SUSD6: variants seen among roughly 807,000 people sequenced by gnomAD.
SUSD6 encodes the protein sushi domain-containing protein 6.
Under a neutral mutation model 28.4 loss-of-function variants are expected in SUSD6, and 16 were observed. The observed-to-expected ratio is 0.56, with a 90% confidence interval of 0.38 to 0.86. The LOEUF (loss-of-function observed/expected upper bound fraction) is 0.86, where lower values mean the gene tolerates loss of function less well. Among genes scored for constraint, SUSD6 ranks in the 40% least tolerant of loss-of-function variants. The pLI is 0.00. For synonymous variants in SUSD6, 147 were observed against 159.6 expected (o/e 0.92, Z 0.59); for missense variants, 341 against 384.2 (o/e 0.89, Z 0.94).
chr14:69,622,137 A>T (rs1885049534), intron 1 of SUSD6, among the ~76,000 whole-genome samples: 1 of 151,872 alleles, frequency 6.6e-6, no homozygotes, highest in Non-Finnish European at 1.5e-5. Context: ...ATACATTTTG[A>T]GTTGTTCTCC....
chr14:69,657,300 C>T (rs1046867463), intron 1 of SUSD6, among the ~76,000 whole-genome samples: 4 of 152,166 alleles, frequency 2.6e-5, no homozygotes, highest in East Asian at 1.9e-4. Context: ...ACTAAAAATA[C>T]AAAAATTAGC....
In SUSD6 at chr14:69,671,293, A is replaced by G. The variant is rs920728186; in HGVS notation, c.121+12580A>G. On this transcript the variant is annotated intron_variant, in intron 2 of 5. Coordinates refer to ENST00000342745, the MANE Select transcript of SUSD6 (RefSeq NM_014734.4). Reference sequence around the variant, plus strand: ...TGGAAGGAGGATGTTAATTTTAGGTACAATTTGTGGGAGAGGATTGGGGAT... The same window carrying G: ...TGGAAGGAGGATGTTAATTTTAGGTGCAATTTGTGGGAGAGGATTGGGGAT... Among the ~76,000 whole-genome samples, 5 of 152,324 alleles carry G rather than the reference A, an allele frequency of 3.3e-5. 1 individual carries two copies. The South Asian group carries it at 6.2e-4, about 19-fold the overall frequency.
Position 69,628,539 on chromosome 14 carries a change from G to A in SUSD6, c.-81+16711G>A, listed in dbSNP as rs575541336. 7.7e-4 allele frequency among the ~76,000 whole-genome samples: 117 copies of A among 152,286 alleles called. 1 individual carries two copies. The highest frequency in any genetic ancestry group is 1.5e-3 in the Non-Finnish European group (100 of 68,024). On this transcript the variant is annotated intron_variant, in intron 1 of 5. Coordinates refer to ENST00000342745, the MANE Select transcript of SUSD6 (RefSeq NM_014734.4). ...AAAGAAGAAAAATCCCCTGGGGAGT[G>A]GGAAAAGGCAGAAAGTATTGAATGT...
chr14:69,666,771 T>C (rs1406805431), intron 2 of SUSD6, among the ~76,000 whole-genome samples: 1 of 152,214 alleles, frequency 6.6e-6, no homozygotes, highest in Non-Finnish European at 1.5e-5. Context: ...TGGGAAGTAG[T>C]GCAGGGAAGG....
chr14:69,624,934 T>C (rs1310089013), intron 1 of SUSD6, among the ~76,000 whole-genome samples: 2 of 152,232 alleles, frequency 1.3e-5, no homozygotes, highest in African/African-American at 4.8e-5. Context: ...TTTTTTGCTA[T>C]TGGCATGTAT....
chr14:69,622,516 A>C (rs1444252500), intron 1 of SUSD6, among the ~76,000 whole-genome samples: 1 of 152,004 alleles, frequency 6.6e-6, no homozygotes, highest in African/African-American at 2.4e-5. Flanking sequence ...CGCCTTGAGG[A>C]TGGTTTACGT....
At chr14:69,677,809 C>G (rs1885935909) in intron 2 of SUSD6, among the ~76,000 whole-genome samples, 1 of 152,136 alleles carries the variant, frequency 6.6e-6, no homozygotes, top group South Asian at 2.1e-4. Flanking sequence ...TTACCAAATA[C>G]CCTGTTAAGA....
intron 1 of SUSD6, among the ~76,000 whole-genome samples, chr14:69,637,638 C>T (rs918859084): frequency 6.6e-6 from 1 of 152,148 alleles, no homozygotes; most frequent in African/African-American, 2.4e-5. Flanking sequence ...TTGCCATCCC[C>T]ACCCCCAGGA....
At chr14:69,681,581 TTTGA>T (rs1885998044) in intron 2 of SUSD6, among the ~76,000 whole-genome samples, 3 of 152,238 alleles carry the variant, frequency 2.0e-5, no homozygotes. Flanking sequence ...AGTGGGAGAC[TTTGA>T]TTGCAGGAAT....
chr14:69,647,861 T>C (rs556584831), intron 1 of SUSD6, among the ~76,000 whole-genome samples: 6 of 152,208 alleles, frequency 3.9e-5, no homozygotes, highest in Admixed American at 3.9e-4. Context: ...GGCGCACACC[T>C]GTACTTCTAG....
intron 1 of SUSD6, among the ~76,000 whole-genome samples, chr14:69,639,144 C>G (rs923312616): frequency 6.6e-6 from 1 of 151,822 alleles, no homozygotes; most frequent in Admixed American, 6.6e-5. Flanking sequence ...CTGGCTAACA[C>G]GGTGAAACCC....
At chr14:69,676,262 A>G (rs923820035) in intron 2 of SUSD6, among the ~76,000 whole-genome samples, 1 of 152,136 alleles carries the variant, frequency 6.6e-6, no homozygotes, top group Non-Finnish European at 1.5e-5. Context: ...TTTGGTTCCT[A>G]TATGACTACC....
At chr14:69,649,237 A>G (rs183528928) in intron 1 of SUSD6, among the ~76,000 whole-genome samples, 5 of 152,348 alleles carry the variant, frequency 3.3e-5, no homozygotes, top group Admixed American at 2.0e-4. Context: ...CAAGCCTTGC[A>G]TAGAAGACAG....
At chr14:69,682,269 T>C (rs1886007593) in intron 2 of SUSD6, among the ~76,000 whole-genome samples, 1 of 152,122 alleles carries the variant, frequency 6.6e-6, no homozygotes, top group Admixed American at 6.5e-5. Context: ...CCCAGGAGTT[T>C]GAGGCATTGG....
intron 2 of SUSD6, among the ~76,000 whole-genome samples, chr14:69,659,505 T>TTTTGTTTG (rs143739135): frequency 1.3e-4 from 20 of 152,024 alleles, no homozygotes; most frequent in South Asian, 4.2e-4. Flanking sequence ...CATTGAGCCT[T>TTTTGTTTG]TTTGTTTGTT....
At chr14:69,653,144 C>T (rs1034612262) in intron 1 of SUSD6, among the ~76,000 whole-genome samples, 2 of 152,122 alleles carry the variant, frequency 1.3e-5, no homozygotes, top group African/African-American at 4.8e-5. Context: ...AACTTACGGA[C>T]AGGAAGTGAG....
intron 1 of SUSD6, among the ~76,000 whole-genome samples, chr14:69,628,494 A>G (rs1030237670): frequency 6.6e-6 from 1 of 152,208 alleles, no homozygotes; most frequent in Non-Finnish European, 1.5e-5. Context: ...GAGTGTCTAT[A>G]TCAGAGTATC....
chr14:69,642,416 C>T (rs1885365167), intron 1 of SUSD6, among the ~76,000 whole-genome samples: 1 of 152,144 alleles, frequency 6.6e-6, no homozygotes, highest in Admixed American at 6.5e-5. Context: ...TGAAGACATA[C>T]TCAAGACTGG....
rs889527905 is a variant in SUSD6, at chr14:69,654,865, G to C, written c.-80-3648G>C. Among the ~76,000 whole-genome samples, 60 of 141,538 alleles carry C rather than the reference G, an allele frequency of 4.2e-4. No individual in the cohort carries two copies. In the Admixed American group the frequency reaches 4.3e-3, roughly 10 times the overall value. 92.9% of individuals were successfully genotyped at this position (141,538 alleles called of 152,430 possible). ...GCTGGAGTGCAGTGGCACAATATCG[G>C]CTCACCACAACCTCCGCCTCCTGGG... On this transcript the variant is annotated intron_variant, in intron 1 of 5. Coordinates refer to ENST00000342745, the MANE Select transcript of SUSD6 (RefSeq NM_014734.4).
Sources: allele counts gnomAD v4.1 joint callset (sites outside exome capture counted in the v4.1 genomes callset), GRCh38; gene constraint gnomAD v4.1.1; transcripts MANE v1.5; gene names NCBI Gene and HGNC (gene_info 2026-07-23, HGNC 2026-07-21).